Variants in CATSPERE observed in about 807,000 individuals in gnomAD.
The protein encoded by CATSPERE is cation channel sperm-associated auxiliary subunit epsilon.
CATSPERE carries 93 observed loss-of-function variants against 114.1 expected under a neutral mutation model. The ratio of observed to expected loss-of-function variants is 0.81; its 90% confidence interval spans 0.69 to 0.97. The LOEUF is 0.97. CATSPERE is among the 50% of genes least tolerant of loss of function. The pLI is 0.00. For synonymous variants in CATSPERE, 341 were observed against 384.1 expected, an observed-to-expected ratio of 0.89 and a Z score of 1.31; for missense variants, 1,058 against 1,131.6, an observed-to-expected ratio of 0.93 and a Z score of 0.93.
intron 5 of CATSPERE, among the ~76,000 whole-genome samples, chr1:244,486,281 C>G (rs1400208439): frequency 1.3e-5 from 2 of 151,362 alleles, no homozygotes; most frequent in African/African-American, 4.9e-5. Context: ...TGTAGACCCT[C>G]GTAGTCACCT....
chr1:244,562,339 G>A (rs1371163483), intron 10 of CATSPERE, among the ~76,000 whole-genome samples: 1 of 151,734 alleles, frequency 6.6e-6, no homozygotes, highest in Non-Finnish European at 1.5e-5. Flanking sequence ...GGTGTAGATA[G>A]ATATTTAGAT....
At chr1:244,465,051 T>G (rs1667403755) in intron 2 of CATSPERE, among the ~76,000 whole-genome samples, 1 of 151,810 alleles carries the variant, frequency 6.6e-6, no homozygotes, top group African/African-American at 2.4e-5. Context: ...TTTTTTTTTT[T>G]TGGAGACAGA....
chr1:244,451,269 C>T (rs1326292964), upstream of CATSPERE, among the ~76,000 whole-genome samples: 1 of 152,176 alleles, frequency 6.6e-6, no homozygotes, highest in Non-Finnish European at 1.5e-5. The surrounding 1 kb of genome is among the most constrained non-coding windows in gnomAD (Gnocchi z 6.6). Context: ...GAGCAGGCCT[C>T]GGGCGGTAGC....
At position 244,560,889 on chromosome 1, in the gene CATSPERE, A is replaced by G. The variant is rs1340028757; in HGVS notation, c.1251A>G (p.Lys417=). 1 of 1,614,074 alleles carries G rather than the reference A, an allele frequency of 6.2e-7. No individual in the cohort carries two copies. The change falls in exon 10 of 22, where the codon AAA becomes AAG. Residue 417 remains lysine (K), a synonymous_variant. Transcript: ENST00000366534. ...LNYCTVCNVT[K]KIFLVIYNED... is the part of the protein sequence containing the mutation. ...ATTGCACTGTATGTAACGTCACCAAAAAGATTTTCTTAGTGATATATAATG... is the reference window on the plus strand; with the variant it reads ...ATTGCACTGTATGTAACGTCACCAAGAAGATTTTCTTAGTGATATATAATG...
intron 7 of CATSPERE, among the ~76,000 whole-genome samples, chr1:244,502,971 A>G (rs908404922): frequency 1.3e-5 from 2 of 152,088 alleles, no homozygotes; most frequent in African/African-American, 4.8e-5. Flanking sequence ...GGTTGTGCAT[A>G]TCTAAGTGCA....
intron 6 of CATSPERE, among the ~76,000 whole-genome samples, chr1:244,496,438 G>T (rs1038256012): frequency 1.3e-5 from 2 of 152,202 alleles, no homozygotes; most frequent in African/African-American, 4.8e-5. Context: ...TGGCTGGGAT[G>T]AGGTGAAACC....
At chr1:244,551,130 G>T (rs1021033964) in intron 8 of CATSPERE, among the ~76,000 whole-genome samples, 4 of 152,166 alleles carry the variant, frequency 2.6e-5, no homozygotes, top group African/African-American at 9.7e-5. Context: ...CCCCTAACCT[G>T]TTATTCATCA....
At chr1:244,470,590 A>C (rs1668321927) in intron 2 of CATSPERE, among the ~76,000 whole-genome samples, 2 of 152,220 alleles carry the variant, frequency 1.3e-5, no homozygotes, top group African/African-American at 4.8e-5. Flanking sequence ...GCACTTTAGA[A>C]GACAGCCTTG....
chr1:244,626,448 G>A (rs1374174395), intron 20 of CATSPERE, among the ~76,000 whole-genome samples: 1 of 130,160 alleles, frequency 7.7e-6, no homozygotes, highest in Non-Finnish European at 1.5e-5. Context: ...TCACACCATT[G>A]CACTCCAGTC....
intron 8 of CATSPERE, among the ~76,000 whole-genome samples, chr1:244,542,207 TG>T (rs1658938137): frequency 6.6e-6 from 1 of 150,770 alleles, no homozygotes; most frequent in African/African-American, 2.4e-5. Flanking sequence ...GGTGCTTTCC[TG>T]AAGCCTTCCC....
chr1:244,535,123 C>T (rs1462668190), intron 8 of CATSPERE, among the ~76,000 whole-genome samples: 1 of 152,244 alleles, frequency 6.6e-6, no homozygotes, highest in Non-Finnish European at 1.5e-5. Flanking sequence ...ATCTCTCTCT[C>T]TCTCTCAGTG....
chr1:244,453,900 T>G (rs1304012721), upstream of CATSPERE, among the ~76,000 whole-genome samples: 1 of 152,174 alleles, frequency 6.6e-6, no homozygotes, highest in Non-Finnish European at 1.5e-5. Context: ...CTCATTTGGC[T>G]CTTTCTAACT....
intron 20 of CATSPERE, among the ~76,000 whole-genome samples, chr1:244,620,660 A>G (rs1671971056): frequency 6.6e-6 from 1 of 152,198 alleles, no homozygotes; most frequent in Admixed American, 6.5e-5. Flanking sequence ...TTTAGTGTTC[A>G]GGGGAAACCT....
chr1:244,624,234 G>T (rs1015206687), intron 20 of CATSPERE, among the ~76,000 whole-genome samples: 1 of 149,980 alleles, frequency 6.7e-6, no homozygotes, highest in African/African-American at 2.5e-5. Flanking sequence ...GCCTCCCAAC[G>T]TGCTGGGATT....
chr1:244,623,199 T>C (rs1327085674), intron 20 of CATSPERE, among the ~76,000 whole-genome samples: 1 of 152,086 alleles, frequency 6.6e-6, no homozygotes, highest in African/African-American at 2.4e-5. Context: ...TGCCTCAGCC[T>C]CCCGAGTAGC....
chr1:244,542,773 C>G (rs911640067), intron 8 of CATSPERE, among the ~76,000 whole-genome samples: 2 of 152,134 alleles, frequency 1.3e-5, no homozygotes, highest in Non-Finnish European at 1.5e-5. Flanking sequence ...GCCCTGTCCA[C>G]TTTGTAGACC....
At chr1:244,482,161 A>T (rs1164381110) in intron 5 of CATSPERE, among the ~76,000 whole-genome samples, 1 of 152,220 alleles carries the variant, frequency 6.6e-6, no homozygotes, top group Non-Finnish European at 1.5e-5. Flanking sequence ...ACCTGTAAAA[A>T]TATCAATTAA....
rs1670116336 is a variant in CATSPERE at position 244,607,148 on chromosome 1, C to A, written c.2403+1354C>A. Among the ~76,000 whole-genome samples the A allele has an allele frequency of 6.6e-6, 1 of 152,174 alleles. No homozygotes were observed. The highest frequency in any genetic ancestry group is 6.5e-5 in the Admixed American group (1 of 15,274). Reference sequence around the variant, plus strand: ...AATAAAAGTTCCTCAGAGGACAACCCTTTCCCTACAGTTCTATCGAACCAA... The same window carrying A: ...AATAAAAGTTCCTCAGAGGACAACCATTTCCCTACAGTTCTATCGAACCAA... On this transcript the variant is annotated intron_variant, in intron 18 of 21. Transcript: ENST00000366534. This position sits in a 1 kb window ranked among gnomAD's most constrained non-coding sequence, Gnocchi z 4.4.
chr1:244,631,289 T>TA (rs11386222), intron 20 of CATSPERE, among the ~76,000 whole-genome samples: 113,680 of 151,398 alleles, frequency 0.75, 44,081 homozygotes, highest in East Asian at 0.87. Flanking sequence ...ATCTCTAAAA[T>TA]AAAAAAAAGG....
Sources: allele counts gnomAD v4.1 joint callset (sites outside exome capture counted in the v4.1 genomes callset), GRCh38; gene constraint gnomAD v4.1.1; non-coding constraint Gnocchi (gnomAD v3.1); transcripts MANE v1.5; gene names NCBI Gene and HGNC (gene_info 2026-07-23, HGNC 2026-07-21).